Variants in SRGAP2B observed in about 807,000 individuals in gnomAD.
The protein encoded by SRGAP2B is SLIT-ROBO Rho GTPase activating protein 2B.
SRGAP2B carries 9 observed loss-of-function variants against 22.2 expected under a neutral mutation model. The ratio of observed to expected loss-of-function variants is 0.41; its 90% confidence interval spans 0.24 to 0.71. The LOEUF (loss-of-function observed/expected upper bound fraction) is 0.71. SRGAP2B is among the 30% of genes least tolerant of loss of function. The pLI is 0.35. For synonymous variants in SRGAP2B, 36 were observed against 87.4 expected (o/e 0.41, Z 3.28); for missense variants, 114 against 235.8 (o/e 0.48, Z 3.38).
rs1450837344 is a variant in SRGAP2B, at chr1:144,964,942, G to A, written c.261-9341C>T. On this transcript the variant is annotated intron_variant, in intron 3 of 9. Transcript: ENST00000612199. ...TAAAAAATAAATAAATAGAGACGGA[G>A]GTAGAGGGAGGACACAGAGCCGCGC... 6.5e-6 allele frequency: 6 copies of A among 919,016 alleles called. No individual in the cohort carries two copies. The Admixed American group carries it at 7.2e-5, about 11-fold the overall frequency. 56.9% of individuals were successfully genotyped at this position (919,016 alleles called of 1,614,324 possible).
chr1:145,056,828 A>G (rs1650441401), intron 2 of SRGAP2B, among the ~76,000 whole-genome samples: 1 of 52,672 alleles, frequency 1.9e-5, no homozygotes, highest in East Asian at 7.1e-4. Flanking sequence ...ATGAGTTCAA[A>G]AAAAGCCAAA....
intron 3 of SRGAP2B, among the ~76,000 whole-genome samples, chr1:144,994,642 C>T (rs1670531366): frequency 6.8e-6 from 1 of 146,652 alleles, no homozygotes; most frequent in Non-Finnish European, 1.5e-5. Flanking sequence ...GAGTTAAGCC[C>T]CTTAACCTTT....
intron 2 of SRGAP2B, among the ~76,000 whole-genome samples, chr1:145,085,024 C>A (rs1553635266): frequency 6.6e-6 from 1 of 150,640 alleles, no homozygotes; most frequent in East Asian, 1.9e-4. Flanking sequence ...CTCACTGCAA[C>A]CTCTGCCTCT....
chr1:144,918,148 T>C (rs1553604011), intron 4 of SRGAP2B: 1 of 98,034 alleles, frequency 1.0e-5, no homozygotes, highest in African/African-American at 4.8e-5. Context: ...CCTGCATCTC[T>C]TTTCTTTAAA....
At chr1:145,015,240 G>A (rs1211456621) in intron 2 of SRGAP2B, among the ~76,000 whole-genome samples, 8 of 72,448 alleles carry the variant, frequency 1.1e-4, no homozygotes, top group Admixed American at 6.3e-4. Flanking sequence ...CACCATGCCC[G>A]GCTAATTTTT....
chr1:144,984,273 T>C (rs1209076320), intron 3 of SRGAP2B, among the ~76,000 whole-genome samples: 2 of 148,236 alleles, frequency 1.3e-5, no homozygotes, highest in East Asian at 3.9e-4. Flanking sequence ...TGAGCTGAGA[T>C]CGTGCCATTG....
chr1:144,993,246 C>A (rs1327864578), intron 3 of SRGAP2B, among the ~76,000 whole-genome samples: 2 of 151,130 alleles, frequency 1.3e-5, no homozygotes, highest in Non-Finnish European at 2.9e-5. Flanking sequence ...AAAAAGTGTG[C>A]ACCTTTGTGA....
At chr1:145,043,918 A>G (rs1456161161) in intron 2 of SRGAP2B, among the ~76,000 whole-genome samples, 1 of 4,920 alleles carries the variant, frequency 2.0e-4, no homozygotes, top group Non-Finnish European at 4.2e-4. Flanking sequence ...TGACTGAAGC[A>G]AAAGTTTCAA....
intron 3 of SRGAP2B, among the ~76,000 whole-genome samples, chr1:144,975,083 A>G (rs1668796759): frequency 6.7e-6 from 1 of 148,912 alleles, no homozygotes; most frequent in African/African-American, 2.6e-5. Context: ...CTATGTCCCC[A>G]TCACTGACTT....
intron 3 of SRGAP2B, among the ~76,000 whole-genome samples, chr1:144,984,626 A>G (rs1423269899): frequency 5.4e-5 from 8 of 148,838 alleles, no homozygotes; most frequent in Non-Finnish European, 1.0e-4. Context: ...GAAGATATAT[A>G]TTTGCTAAAT....
intron 3 of SRGAP2B, among the ~76,000 whole-genome samples, chr1:144,965,890 G>A (rs1668048808): frequency 6.8e-6 from 1 of 147,754 alleles, no homozygotes; most frequent in African/African-American, 2.6e-5. Flanking sequence ...AAGGGTATCA[G>A]CAATGGAAGA....
At chr1:144,904,975 T>C (rs1321366287) in intron 7 of SRGAP2B, 116 bp downstream of exon 7, 1 of 578,148 alleles carries the variant, frequency 1.7e-6, no homozygotes, top group Non-Finnish European at 3.1e-6. Context: ...GGCTGCTATC[T>C]TCCTAATTGT....
chr1:145,044,952 C>T (rs1433324465), intron 2 of SRGAP2B, among the ~76,000 whole-genome samples: 1 of 150,498 alleles, frequency 6.6e-6, no homozygotes, highest in Admixed American at 6.6e-5. Context: ...ATAGAACTTC[C>T]TTTGCAGTCA....
At chr1:144,970,456 A>G (rs1189158168) in intron 3 of SRGAP2B, among the ~76,000 whole-genome samples, 11 of 120,012 alleles carry the variant, frequency 9.2e-5, no homozygotes, top group Non-Finnish European at 1.7e-4. Flanking sequence ...ATGAGATCAC[A>G]TGGACACAGG....
In SRGAP2B at chr1:144,955,432, T is replaced by C. The variant is rs1667182708; in HGVS notation, c.423+7A>G. 6.2e-6 allele frequency: 10 copies of C among 1,600,050 alleles called. No homozygotes were observed. Among genetic ancestry groups the C allele is most frequent in the Non-Finnish European group, 7.7e-6 (9 of 1,172,946 alleles). ...CCAAGAACCTCTGTGAAGAAATATC[T>C]CTGTACCTTTTTAAAGAGTCTTCCT... On this transcript the variant is annotated splice_region_variant and intron_variant, in intron 4 of 9. Coordinates refer to ENST00000612199, the Ensembl canonical transcript of SRGAP2B.
chr1:144,912,154 G>T (rs1277113741), intron 5 of SRGAP2B, among the ~76,000 whole-genome samples: 1 of 146,772 alleles, frequency 6.8e-6, no homozygotes, highest in Non-Finnish European at 1.5e-5. Flanking sequence ...GGGTTTCACC[G>T]TGTTAGCCAG....
At chr1:144,889,237 G>A (rs1272608456) in exon 10 of SRGAP2B, 1 of 149,434 alleles carries the variant, frequency 6.7e-6, no homozygotes, top group Non-Finnish European at 1.5e-5. Flanking sequence ...TTACAGGCAT[G>A]AGCTGCCATA....
intron 4 of SRGAP2B, among the ~76,000 whole-genome samples, chr1:144,916,287 T>C (rs1236028553): frequency 1.5e-5 from 2 of 133,934 alleles, no homozygotes; most frequent in African/African-American, 3.0e-5. Context: ...CTTAAACATA[T>C]GTTGTAAACA....
At chr1:145,080,574 G>A (rs1348986073) in intron 2 of SRGAP2B, among the ~76,000 whole-genome samples, 1 of 145,408 alleles carries the variant, frequency 6.9e-6, no homozygotes, top group Admixed American at 6.8e-5. Context: ...TTTTTGAGAC[G>A]GAGTCTTGCT....
Sources: allele counts gnomAD v4.1 joint callset (sites outside exome capture counted in the v4.1 genomes callset), GRCh38; gene constraint gnomAD v4.1.1; transcripts MANE v1.5; gene names NCBI Gene and HGNC (gene_info 2026-07-23, HGNC 2026-07-21).